Variants in HAO1 observed in about 807,000 individuals in gnomAD.
HAO1 encodes the protein 2-Hydroxyacid oxidase 1.
A neutral mutation model predicts 39.7 loss-of-function variants in HAO1; 34 were observed. That is an observed-to-expected ratio of 0.86 (90% CI 0.65 to 1.14). The LOEUF (loss-of-function observed/expected upper bound fraction) is 1.14, where lower values mean the gene tolerates loss of function less well. Among genes scored for constraint, HAO1 ranks in the 50% most tolerant of loss-of-function variants. The pLI is 0.00. For missense variants in HAO1, 479 were observed against 464.5 expected (o/e 1.03, Z -0.29); for synonymous variants, 172 against 173.2 (o/e 0.99, Z 0.05).
At chr20:7,926,842 G>A (rs1235600672) in intron 2 of HAO1, among the ~76,000 whole-genome samples, 5 of 151,492 alleles carry the variant, frequency 3.3e-5, no homozygotes, top group Non-Finnish European at 5.9e-5. Context: ...TTGCATCCAG[G>A]GGCTGGAATT....
rs963148438 is a variant in HAO1 at position 7,895,863 on chromosome 20, T to C, written c.722-639A>G. The stretch of plus-strand genomic sequence containing the variant: ...GAGTTCAAGACTAGCCTGACCAACA[T>C]GGTGAAACCCCATCTCTACTAAAAA... On this transcript the variant is annotated intron_variant, in intron 4 of 7. Transcript: ENST00000378789. Among the ~76,000 whole-genome samples the C allele has an allele frequency of 6.6e-5, 10 of 152,068 alleles. No homozygotes were observed. In the East Asian group the frequency reaches 1.2e-3, roughly 18 times the overall value.
intron 4 of HAO1, among the ~76,000 whole-genome samples, chr20:7,896,720 T>C (rs559916268): frequency 6.6e-6 from 1 of 152,232 alleles, no homozygotes; most frequent in African/African-American, 2.4e-5. Flanking sequence ...CTAACTGCCT[T>C]TCTTTTCTTT....
chr20:7,922,500 C>A (rs1001192140), intron 2 of HAO1, among the ~76,000 whole-genome samples: 1 of 152,098 alleles, frequency 6.6e-6, no homozygotes, highest in South Asian at 2.1e-4. Flanking sequence ...GAGAAAGCTC[C>A]TAAAGGAGAG....
At chr20:7,900,812 G>A (rs2050218152) in intron 4 of HAO1, among the ~76,000 whole-genome samples, 1 of 152,194 alleles carries the variant, frequency 6.6e-6, no homozygotes, top group Non-Finnish European at 1.5e-5. Context: ...TAAGCTTAGT[G>A]AGGAAGGCAT....
intron 4 of HAO1, among the ~76,000 whole-genome samples, chr20:7,903,858 CGGTGGTGGTGGTGGTGGTGGTGGTGGT>C (rs10585629): frequency 5.2e-5 from 3 of 57,610 alleles, no homozygotes; most frequent in Non-Finnish European, 8.8e-5. Flanking sequence ...ATTGTGGTAG[CGGTGGTGGTGGTGGTGGTGGTGGTGGT>C]GGTGGTGGTG....
chr20:7,930,502 A>G (rs1167693230), intron 2 of HAO1, among the ~76,000 whole-genome samples: 4 of 152,226 alleles, frequency 2.6e-5, no homozygotes, highest in Non-Finnish European at 5.9e-5. Context: ...ATACTTCAAG[A>G]AGCCAAAAAT....
chr20:7,912,552 G>A (rs1034876076), intron 3 of HAO1, among the ~76,000 whole-genome samples: 1 of 149,242 alleles, frequency 6.7e-6, no homozygotes, highest in Non-Finnish European at 1.5e-5. Context: ...AAGAAGCCTC[G>A]ATAGTGGGAA....
chr20:7,919,288 T>C (rs991046536), intron 2 of HAO1, among the ~76,000 whole-genome samples: 2 of 152,218 alleles, frequency 1.3e-5, no homozygotes, highest in Non-Finnish European at 2.9e-5. Context: ...TCATTGTCCT[T>C]AAGACATATC....
At chr20:7,915,329 A>G (rs2050301887) in intron 2 of HAO1, among the ~76,000 whole-genome samples, 1 of 152,060 alleles carries the variant, frequency 6.6e-6, no homozygotes, top group Non-Finnish European at 1.5e-5. Context: ...CCTTAAAAAT[A>G]AGTCTGTGAA....
intron 1 of HAO1, among the ~76,000 whole-genome samples, chr20:7,935,765 C>T (rs887285848): frequency 2.0e-5 from 3 of 152,158 alleles, no homozygotes; most frequent in African/African-American, 7.2e-5. Context: ...TCTCTTTCCT[C>T]CTGGCAAAAT....
At chr20:7,936,548 T>TGTGTGTGTGTGTGTGTGTGTGTGTGTGTG (rs1555775557) in intron 1 of HAO1, among the ~76,000 whole-genome samples, 2 of 50,754 alleles carry the variant, frequency 3.9e-5, no homozygotes, top group Admixed American at 2.3e-4. Context: ...GTGTGTGTGT[T>TGTGTGTGTGTGTGTGTGTGTGTGTGTGTG]CGCGCGCGCG....
intron 2 of HAO1, among the ~76,000 whole-genome samples, chr20:7,923,767 C>A (rs2247663): frequency 6.6e-6 from 1 of 151,930 alleles, no homozygotes; most frequent in Non-Finnish European, 1.5e-5. Context: ...GTCTGTAGTG[C>A]GACCTAAGAT....
At chr20:7,902,437 C>T (rs978819095) in intron 4 of HAO1, among the ~76,000 whole-genome samples, 9 of 152,200 alleles carry the variant, frequency 5.9e-5, no homozygotes, top group African/African-American at 2.2e-4. Flanking sequence ...TGATCATTAG[C>T]ATTTTTTAGG....
At chr20:7,938,291 G>C (rs1490993978) in intron 1 of HAO1, among the ~76,000 whole-genome samples, 1 of 152,236 alleles carries the variant, frequency 6.6e-6, no homozygotes, top group East Asian at 1.9e-4. Flanking sequence ...TACAGCAAAA[G>C]AGGACACATT....
chr20:7,940,207 A>G (rs760141600), intron 1 of HAO1, 79 bp downstream of exon 1: 170 of 1,168,876 alleles, frequency 1.5e-4, no homozygotes, highest in Non-Finnish European at 2.0e-4. Context: ...CACACCACCA[A>G]CGTAAAACTA....
intron 2 of HAO1, among the ~76,000 whole-genome samples, chr20:7,923,924 T>C (rs1214184102): frequency 6.6e-6 from 1 of 152,100 alleles, no homozygotes; most frequent in East Asian, 1.9e-4. Flanking sequence ...TTGGGGCTCA[T>C]TGAAAACGGG....
intron 2 of HAO1, among the ~76,000 whole-genome samples, chr20:7,933,220 C>G (rs140999581): frequency 6.6e-6 from 1 of 151,976 alleles, no homozygotes; most frequent in Non-Finnish European, 1.5e-5. Context: ...GGGCTTTTTA[C>G]GTGGAAAGGA....
intron 4 of HAO1, among the ~76,000 whole-genome samples, chr20:7,900,765 A>G (rs1398893296): frequency 2.0e-5 from 3 of 152,190 alleles, no homozygotes; most frequent in Non-Finnish European, 1.5e-5. Context: ...AGGAAGAGTC[A>G]CATACCTCTC....
chr20:7,917,236 C>G (rs943970077), intron 2 of HAO1, among the ~76,000 whole-genome samples: 1 of 150,508 alleles, frequency 6.6e-6, no homozygotes, highest in East Asian at 2.0e-4. Flanking sequence ...GCTACTCAGG[C>G]GACTGAAGCA....
Sources: gnomAD v4.1 joint callset for allele counts (sites outside exome capture counted in the v4.1 genomes callset) on GRCh38, gnomAD v4.1.1 for gene constraint, MANE v1.5 for transcripts, NCBI Gene and HGNC (gene_info 2026-07-23, HGNC 2026-07-21) for gene names.